GPAT4: variants seen among roughly 807,000 people sequenced by gnomAD.
GPAT4 encodes the protein glycerol-3-phosphate acyltransferase 4.
Under a neutral mutation model 58.0 loss-of-function variants are expected in GPAT4, and 17 were observed. That is an observed-to-expected ratio of 0.29 (90% confidence interval 0.20 to 0.44). The LOEUF (loss-of-function observed/expected upper bound fraction) is 0.44. Among genes scored for constraint, GPAT4 ranks in the 20% least tolerant of loss-of-function variants. The probability of loss-of-function intolerance (pLI) is 1.00; values close to 1 mark genes in which losing one functional copy is unlikely to be tolerated. For missense variants in GPAT4, 377 were observed against 574.5 expected (o/e 0.66, Z 3.51); for synonymous variants, 204 against 210.1 (o/e 0.97, Z 0.25).
At position 41,621,068 on chromosome 8, in the gene GPAT4, G is replaced by A. The variant is rs146330695; in HGVS notation, c.*67G>A. 2,574 of 1,540,776 alleles carry A rather than the reference G, an allele frequency of 1.7e-3. 14 individuals carry two copies. Among genetic ancestry groups the A allele is most frequent in the Middle Eastern group, 0.011 (49 of 4,438 alleles). ...CGGGCTCAGAGCTGGAGTTGCCGCCGCCGCCCCCACTGCTGTGTCCTTTCC... is the reference window on the plus strand; with the variant it reads ...CGGGCTCAGAGCTGGAGTTGCCGCCACCGCCCCCACTGCTGTGTCCTTTCC... On this transcript the variant is annotated 3_prime_UTR_variant, in exon 13 of 13. Transcript: ENST00000396987.
intron 2 of GPAT4, among the ~76,000 whole-genome samples, chr8:41,606,737 A>G (rs939711485): frequency 1.3e-5 from 2 of 152,194 alleles, no homozygotes; most frequent in Non-Finnish European, 2.9e-5. Context: ...GCAGTAGGTA[A>G]CAAGAGGGAG....
rs916623766 is a variant in GPAT4, at chr8:41,621,156, G to A, written c.*155G>A. Reference sequence around the variant, plus strand: ...ACTCCGGCTTTCGCCGAGCCGCAGCGGGATCCCTGTGCACCCGGCGCAGCC... The same window carrying A: ...ACTCCGGCTTTCGCCGAGCCGCAGCAGGATCCCTGTGCACCCGGCGCAGCC... On this transcript the variant is annotated 3_prime_UTR_variant, in exon 13 of 13. Transcript: ENST00000396987. 1.5e-5 allele frequency: 17 copies of A among 1,140,224 alleles called. No individual in the cohort carries two copies. Among genetic ancestry groups the A allele is most frequent in the African/African-American group, 9.4e-5 (6 of 63,966 alleles). 70.6% of individuals were successfully genotyped at this position (1,140,224 alleles called of 1,614,324 possible).
At chr8:41,591,777 T>TC (rs1050610042) in intron 1 of GPAT4, among the ~76,000 whole-genome samples, 1 of 152,254 alleles carries the variant, frequency 6.6e-6, no homozygotes, top group African/African-American at 2.4e-5. Flanking sequence ...CTCTGTGTCT[T>TC]CAACTACTGG....
At chr8:41,590,582 G>A (rs1486650312) in intron 1 of GPAT4, among the ~76,000 whole-genome samples, 1 of 152,224 alleles carries the variant, frequency 6.6e-6, no homozygotes, top group African/African-American at 2.4e-5. Flanking sequence ...CAGCCATCGT[G>A]AGGATTACTT....
At chr8:41,587,434 A>G (rs1040955097) in intron 1 of GPAT4, among the ~76,000 whole-genome samples, 1 of 152,204 alleles carries the variant, frequency 6.6e-6, no homozygotes, top group African/African-American at 2.4e-5. Flanking sequence ...TATATCCTCT[A>G]TTGGGAGACG....
In GPAT4 at chr8:41,621,029, G is replaced by A. The variant is rs751466650; in HGVS notation, c.*28G>A. On this transcript the variant is annotated 3_prime_UTR_variant, in exon 13 of 13. Transcript: ENST00000396987. ...CTGCCTCCAGCTGGCTGGGGCCACC[G>A]TGCGGGGTGCCAACGGGCTCAGAGC... 7.1e-6 allele frequency: 11 copies of A among 1,549,980 alleles called. No homozygotes were observed. Among genetic ancestry groups the A allele is most frequent in the African/African-American group, 4.1e-5 (3 of 73,022 alleles).
At chr8:41,588,049 T>C (rs1311936013) in intron 1 of GPAT4, among the ~76,000 whole-genome samples, 1 of 152,232 alleles carries the variant, frequency 6.6e-6, no homozygotes, top group Non-Finnish European at 1.5e-5. Flanking sequence ...CCTGTGGATT[T>C]TGTGTCATAC....
chr8:41,593,534 C>T (rs996695290), intron 1 of GPAT4, among the ~76,000 whole-genome samples: 27 of 152,310 alleles, frequency 1.8e-4, no homozygotes, highest in African/African-American at 6.3e-4. Context: ...ACCACTCAGC[C>T]TCAGGTGTGA....
In GPAT4 at chr8:41,622,426, G is replaced by GGCCAAGCA. The variant is rs1449038065; in HGVS notation, c.*1429_*1436dup. On this transcript the variant is annotated 3_prime_UTR_variant, in exon 13 of 13. Coordinates refer to ENST00000396987, the MANE Select transcript of GPAT4 (RefSeq NM_178819.4). ...ACAGTCACAGTGGAGGCAGAGCCAA[G>GGCCAAGCA]GCCAAGCAGCCCCTGTGGGTTCTGG... is the stretch of plus-strand genomic sequence containing the variant. 1 of 152,364 alleles carries GGCCAAGCA rather than the reference G, an allele frequency of 6.6e-6. No individual in the cohort carries two copies. The highest frequency in any genetic ancestry group is 2.4e-5 in the African/African-American group (1 of 41,452). 9.4% of individuals were successfully genotyped at this position (152,364 alleles called of 1,614,324 possible). A position where few individuals can be genotyped will look rare whatever the true frequency, so the allele number is the denominator to read the frequency against.
intron 12 of GPAT4, among the ~76,000 whole-genome samples, chr8:41,619,821 G>T (rs976208505): frequency 1.3e-5 from 2 of 152,214 alleles, no homozygotes. Context: ...GAATAGATTG[G>T]CTCTCAGATG....
In GPAT4 at chr8:41,610,784, T is replaced by G. The variant is rs1243146304; in HGVS notation, c.585T>G (p.Thr195=). Residue 195 remains threonine, a synonymous_variant, in exon 5 of 13, where the codon ACT becomes ACG. Transcript: ENST00000396987. Reference sequence around the variant, plus strand: ...TTAGCCTTCTGGTGGTGGGCACAACTGTGGTGGGATACTTGCCAAATGGGA... The same window carrying G: ...TTAGCCTTCTGGTGGTGGGCACAACGGTGGTGGGATACTTGCCAAATGGGA... The part of the protein sequence containing the change: ...TGISLLVVGT[T]VVGYLPNGRF... 2 of 1,611,832 alleles carry G rather than the reference T, an allele frequency of 1.2e-6. No homozygotes were observed. The highest frequency in any genetic ancestry group is 1.7e-6 in the Non-Finnish European group (2 of 1,178,830).
At chr8:41,578,676 C>T (rs1258796765) in intron 1 of GPAT4, 1 of 152,310 alleles carries the variant, frequency 6.6e-6, no homozygotes, top group Admixed American at 6.5e-5. Flanking sequence ...CTGTCATTCC[C>T]CTTCCTGTGT....
chr8:41,612,967 G>A lies in GPAT4; in HGVS notation c.911+7G>A, dbSNP rs1305553254. ...GCCACCTGGTGGCTAAGAGGTAATG[G>A]ACAGAACACTGCTGTTCTGCTTGGC... On this transcript the variant is annotated splice_region_variant and intron_variant, in intron 8 of 12. Coordinates refer to ENST00000396987, the MANE Select transcript of GPAT4 (RefSeq NM_178819.4). 6 of 1,612,688 alleles carry A rather than the reference G, an allele frequency of 3.7e-6. No individual in the cohort carries two copies. The highest frequency in any genetic ancestry group is 5.1e-6 in the Non-Finnish European group (6 of 1,178,830).
Position 41,614,278 on chromosome 8 carries a change from C to A in GPAT4, c.912-108C>A, listed in dbSNP as rs943888583. The A allele has an allele frequency of 9.5e-6, 9 of 947,678 alleles. No homozygotes were observed. In the Admixed American group the frequency reaches 2.0e-4, roughly 21 times the overall value. The allele number at this position is 947,678 out of a possible 1,614,324, so 58.7% of individuals were successfully genotyped here. A position where few individuals can be genotyped will look rare whatever the true frequency, so the allele number is the denominator to read the frequency against. ...AAAAGGATACAGTTATGCTTGTTAA[C>A]TTTTTATAATCGAAACTAGTGTCAC... On this transcript the variant is annotated intron_variant, in intron 8 of 12. Transcript: ENST00000396987.
Position 41,599,253 on chromosome 8 carries a change from C to T in GPAT4, c.114C>T (p.Val38=), listed in dbSNP as rs766550823. ...VFIIVPAIFG[V]SFGIRKLYMK... is the part of the protein sequence containing the mutation. ...TCATAGTGCCAGCCATTTTTGGAGT[C>T]TCCTTTGGTATCCGCAAACTCTACA... Residue 38 remains valine (V), a synonymous_variant, in exon 2 of 13, where the codon GTC becomes GTT. Coordinates refer to ENST00000396987, the MANE Select transcript of GPAT4 (RefSeq NM_178819.4). 1.2e-6 allele frequency: 2 copies of T among 1,614,120 alleles called. No homozygotes were observed. Among genetic ancestry groups the T allele is most frequent in the Non-Finnish European group, 8.5e-7 (1 of 1,180,002 alleles).
intron 1 of GPAT4, among the ~76,000 whole-genome samples, chr8:41,581,167 A>G (rs889809599): frequency 3.9e-5 from 6 of 152,216 alleles, no homozygotes; most frequent in African/African-American, 1.4e-4. Flanking sequence ...AATAGCGTAC[A>G]CTATGATTAA....
intron 1 of GPAT4, among the ~76,000 whole-genome samples, chr8:41,588,209 C>T (rs544589335): frequency 1.3e-5 from 2 of 152,328 alleles, no homozygotes; most frequent in East Asian, 1.9e-4. Context: ...TCTAAAAATA[C>T]GTGCATTCTT....
chr8:41,616,338 C>T (rs1267592615), intron 10 of GPAT4, among the ~76,000 whole-genome samples: 1 of 152,184 alleles, frequency 6.6e-6, no homozygotes, highest in African/African-American at 2.4e-5. Flanking sequence ...AGTCTGTCAC[C>T]CAGGCTGGAG....
chr8:41,620,772 C>T lies in GPAT4; in HGVS notation c.1263-121C>T, dbSNP rs752772760. ...TGAGGTTGTCTTGGTGAGAGTGCCA[C>T]GGGGTACCCTGTTTCTGGCAGGTTT... On this transcript the variant is annotated intron_variant, in intron 12 of 12. Coordinates refer to ENST00000396987, the MANE Select transcript of GPAT4 (RefSeq NM_178819.4). 43 of 1,468,568 alleles carry T rather than the reference C, an allele frequency of 2.9e-5. No individual in the cohort carries two copies. In the Middle Eastern group the frequency reaches 7.5e-4, roughly 26 times the overall value. 91.0% of individuals were successfully genotyped at this position (1,468,568 alleles called of 1,614,324 possible). A position where few individuals can be genotyped will look rare whatever the true frequency, so the allele number is the denominator to read the frequency against.
Sources: gnomAD v4.1 joint callset for allele counts (sites outside exome capture counted in the v4.1 genomes callset) on GRCh38, gnomAD v4.1.1 for gene constraint, MANE v1.5 for transcripts, NCBI Gene and HGNC (gene_info 2026-07-23, HGNC 2026-07-21) for gene names.